The following TULP4 variants were observed in gnomAD, a reference collection of about 807,000 sequenced individuals.
The protein encoded by TULP4 is TUB like protein 4.
Under a neutral mutation model 129.0 loss-of-function variants are expected in TULP4, and 16 were observed. The observed-to-expected ratio is 0.12, with a 90% CI of 0.08 to 0.19. TULP4 has a LOEUF of 0.19. Among genes scored for constraint, TULP4 ranks in the 10% least tolerant of loss-of-function variants. The probability of loss-of-function intolerance (pLI) is 1.00; values close to 1 mark genes in which losing one functional copy is unlikely to be tolerated. For missense variants in TULP4, 1,842 were observed against 2,059.1 expected (o/e 0.89, Z 2.04); for synonymous variants, 998 against 854.0 (o/e 1.17, Z -2.94).
At chr6:158,339,413 C>T (rs1244215016) in intron 1 of TULP4, among the ~76,000 whole-genome samples, 2 of 152,156 alleles carry the variant, frequency 1.3e-5, no homozygotes, top group African/African-American at 2.4e-5. Context: ...ACATTGTCAG[C>T]GTTCAAGAGC....
chr6:158,502,166 C>G lies in TULP4; in HGVS notation c.2503C>G (p.Pro835Ala), dbSNP rs199951730. ...EVQVTKINPP[P>A]PYPGTIPAAP... Reference sequence around the variant, plus strand: ...CCAGGTGACGAAGATAAACCCTCCACCCCCGTACCCAGGAACCATCCCCGC... The same window carrying G: ...CCAGGTGACGAAGATAAACCCTCCAGCCCCGTACCCAGGAACCATCCCCGC... Residue 835 changes from proline to alanine, a missense_variant, in exon 13 of 14, where the codon CCC (proline) becomes GCC (alanine). Pro to Ala is a conservative substitution (Grantham distance 27, BLOSUM62 -1). Coordinates refer to ENST00000367097, the MANE Select transcript of TULP4 (RefSeq NM_020245.5). 4 of 1,569,522 alleles carry G rather than the reference C, an allele frequency of 2.5e-6. No individual in the cohort carries two copies. The African/African-American group carries it at 4.1e-5, about 16-fold the overall frequency.
chr6:158,487,187 A>T (rs1003735081), intron 8 of TULP4, among the ~76,000 whole-genome samples: 3 of 120,206 alleles, frequency 2.5e-5, no homozygotes, highest in Non-Finnish European at 5.4e-5. Context: ...CTGAGGCAGG[A>T]GATGGAGGCT....
chr6:158,298,007 T>A lies in TULP4; in HGVS notation n.117-14044T>A, dbSNP rs553228252. On this transcript the variant is annotated intron_variant and non_coding_transcript_variant, in intron 1 of 1. Coordinates refer to the TULP4 transcript ENST00000432358. ...CCTCCCCCTAGGAATGCAATTCTTT[T>A]CCTAGGGTCTTAATATGTAATATTC... Among the ~76,000 whole-genome samples the A allele has an allele frequency of 2.1e-4, 32 of 152,284 alleles. No homozygotes were observed. In the East Asian group the frequency reaches 6.2e-3, roughly 29 times the overall value.
chr6:158,290,300 T>C (rs1778912029), intron 1 of TULP4, among the ~76,000 whole-genome samples: 2 of 152,246 alleles, frequency 1.3e-5, no homozygotes, highest in Non-Finnish European at 2.9e-5. Flanking sequence ...CACTTTTTCA[T>C]GTACCTGCTC....
At position 158,475,114 on chromosome 6, in the gene TULP4, C is replaced by G. The variant is rs2128248090; in HGVS notation, c.1027-4637C>G. Reference sequence around the variant, plus strand: ...TGTGTACTAGCAGGAGGAGAGGTGGCAGAGTAAGGAACGGGCACCAGGCCT... The same window carrying G: ...TGTGTACTAGCAGGAGGAGAGGTGGGAGAGTAAGGAACGGGCACCAGGCCT... On this transcript the variant is annotated intron_variant, in intron 6 of 13. Coordinates refer to ENST00000367097, the MANE Select transcript of TULP4 (RefSeq NM_020245.5). Among the ~76,000 whole-genome samples the G allele has an allele frequency of 1.3e-5, 2 of 152,368 alleles. 1 individual carries two copies. The highest frequency in any genetic ancestry group is 4.1e-4 in the South Asian group (2 of 4,832).
At position 158,502,684 on chromosome 6, in the gene TULP4, C is replaced by G. The variant is rs1389698036; in HGVS notation, c.3021C>G (p.Ala1007=). ...KMAQLADSPR[A]PLQPLAKSKG... The stretch of plus-strand genomic sequence containing the variant: ...CCCAGCTGGCCGACAGCCCGCGGGC[C>G]CCCCTGCAGCCCCTGGCCAAGTCCA... The change falls in exon 13 of 14, where the codon GCC becomes GCG. Residue 1007 remains alanine, a synonymous_variant. Coordinates refer to ENST00000367097, the MANE Select transcript of TULP4 (RefSeq NM_020245.5). 1 of 1,555,392 alleles carries G rather than the reference C, an allele frequency of 6.4e-7. No individual in the cohort carries two copies. Among genetic ancestry groups the G allele is most frequent in the South Asian group, 1.2e-5 (1 of 83,710 alleles).
intron 1 of TULP4, among the ~76,000 whole-genome samples, chr6:158,305,330 T>TGTGC (rs1226471794): frequency 1.1e-5 from 1 of 89,234 alleles, no homozygotes; most frequent in Non-Finnish European, 2.3e-5. Flanking sequence ...TGTGCGTGTG[T>TGTGC]GTGTGTGTGT....
In TULP4 at chr6:158,314,171, G is replaced by A; in HGVS notation, c.155G>A (p.Arg52Gln). 2 of 1,614,168 alleles carry A rather than the reference G, an allele frequency of 1.2e-6. No individual in the cohort carries two copies. Among genetic ancestry groups the A allele is most frequent in the African/African-American group, 1.3e-5 (1 of 75,042 alleles). The change falls in exon 1 of 14, where the codon CGA becomes CAA. Residue 52 changes from arginine to glutamine, a missense_variant. This residue lies in a region of TULP4 where 151 missense variants were observed against 268.7 expected (regional missense o/e 0.56). Transcript: ENST00000367097. ...GGCTGGCTGGCCACGGGCAACGGGCGAGGAGTGGTTGGGGTGACTTTCACC... is the reference window on the plus strand; with the variant it reads ...GGCTGGCTGGCCACGGGCAACGGGCAAGGAGTGGTTGGGGTGACTTTCACC... ...EEGWLATGNG[R>Q]GVVGVTFTSS...
chr6:158,415,171 T>C (rs1366414828), intron 2 of TULP4, among the ~76,000 whole-genome samples: 1 of 152,206 alleles, frequency 6.6e-6, no homozygotes, highest in Non-Finnish European at 1.5e-5. Context: ...CTAGTGACAC[T>C]GCAGCATGAC....
chr6:158,286,289 C>T (rs574832992), intron 1 of TULP4, among the ~76,000 whole-genome samples: 86 of 152,190 alleles, frequency 5.7e-4, no homozygotes, highest in Non-Finnish European at 1.2e-3. Context: ...TCAATTGTAC[C>T]TTTCTTTGTA....
intron 2 of TULP4, among the ~76,000 whole-genome samples, chr6:158,424,241 C>T (rs1013683163): frequency 6.6e-6 from 1 of 152,106 alleles, no homozygotes; most frequent in Non-Finnish European, 1.5e-5. Flanking sequence ...AATCTATGCA[C>T]ATCATCTTGT....
chr6:158,378,485 T>TTTTTGTG (rs1554285635), intron 1 of TULP4, among the ~76,000 whole-genome samples: 1 of 51,288 alleles, frequency 1.9e-5, no homozygotes. Context: ...TTTTTTTTTT[T>TTTTTGTG]GGTGGGGGTG....
rs1780529992 is a variant in TULP4, at chr6:158,503,734, A to G, written c.4071A>G (p.Lys1357=). 6.2e-7 allele frequency: 1 copy of G among 1,614,004 alleles called. No homozygotes were observed. Among genetic ancestry groups the G allele is most frequent in the African/African-American group, 1.3e-5 (1 of 74,936 alleles). ...GCGTTCAGGCCATCACTGAGGGCAAAGTGAAGAAGGAGGCTAGGACTTTGA... is the reference window on the plus strand; with the variant it reads ...GCGTTCAGGCCATCACTGAGGGCAAGGTGAAGAAGGAGGCTAGGACTTTGA... The part of the protein sequence containing the change: ...EGSVQAITEG[K]VKKEARTLSD... Residue 1357 remains lysine (K), a synonymous_variant, in exon 13 of 14, where the codon AAA becomes AAG. Transcript: ENST00000367097. This position sits in a 1 kb window ranked among gnomAD's most constrained non-coding sequence, Gnocchi z 4.3.
intron 1 of TULP4, among the ~76,000 whole-genome samples, chr6:158,250,082 C>T (rs760599034): frequency 9.9e-5 from 15 of 152,110 alleles, no homozygotes; most frequent in Non-Finnish European, 1.8e-4. Context: ...GTGATCCTTC[C>T]ACCTTGGCCT....
chr6:158,391,801 C>T (rs1777590041), intron 1 of TULP4, among the ~76,000 whole-genome samples: 1 of 150,798 alleles, frequency 6.6e-6, no homozygotes, highest in Non-Finnish European at 1.5e-5. Context: ...TATTGTCATT[C>T]ATTTTACTTA....
chr6:158,423,015 G>A (rs759847214), intron 2 of TULP4, among the ~76,000 whole-genome samples: 11 of 151,344 alleles, frequency 7.3e-5, no homozygotes, highest in Non-Finnish European at 1.3e-4. Flanking sequence ...ACAGGCTCAC[G>A]CCTGTAATCC....
At chr6:158,439,700 C>CTT (rs71030170) in intron 3 of TULP4, among the ~76,000 whole-genome samples, 3,486 of 68,254 alleles carry the variant, frequency 0.051, 968 homozygotes, top group African/African-American at 0.078. Flanking sequence ...ACTAGAGTTT[C>CTT]TTTTTTTTTT....
chr6:158,370,605 A>G (rs1168937798), intron 1 of TULP4, among the ~76,000 whole-genome samples: 2 of 152,156 alleles, frequency 1.3e-5, no homozygotes, highest in South Asian at 2.1e-4. Flanking sequence ...TTCAAACATA[A>G]TGAAATCTGT....
chr6:158,297,082 TCTCA>T (rs757857488), intron 1 of TULP4, among the ~76,000 whole-genome samples: 136 of 152,238 alleles, frequency 8.9e-4, no homozygotes, highest in Non-Finnish European at 1.6e-3. Flanking sequence ...CCAGAGTGTA[TCTCA>T]GTCCTTTTCT....
Sources: allele counts gnomAD v4.1 joint callset (sites outside exome capture counted in the v4.1 genomes callset), GRCh38; gene constraint gnomAD v4.1.1; regional missense constraint gnomAD v4.1.1; non-coding constraint Gnocchi (gnomAD v3.1); transcripts MANE v1.5; gene names NCBI Gene and HGNC (gene_info 2026-07-23, HGNC 2026-07-21).